Variants in GRID2 observed in about 807,000 individuals in gnomAD.
The protein encoded by GRID2 is glutamate receptor ionotropic, delta-2.
In GRID2, 33 loss-of-function variants were observed where a neutral mutation model predicts 114.8. The observed-to-expected ratio is 0.29, with a 90% CI of 0.22 to 0.38. The LOEUF (loss-of-function observed/expected upper bound fraction) is 0.38. Ranked by LOEUF, GRID2 falls within the 10% of genes least tolerant of loss-of-function variation. The probability of loss-of-function intolerance (pLI) is 1.00; values close to 1 mark genes in which losing one functional copy is unlikely to be tolerated. For missense variants in GRID2, 1,184 were observed against 1,257.7 expected, an observed-to-expected ratio of 0.94 and a Z score of 0.89; for synonymous variants, 505 against 449.9, an observed-to-expected ratio of 1.12 and a Z score of -1.55.
At chr4:93,588,884 A>G (rs958054868) in intron 13 of GRID2, among the ~76,000 whole-genome samples, 4 of 152,154 alleles carry the variant, frequency 2.6e-5, no homozygotes, top group Non-Finnish European at 5.9e-5. Flanking sequence ...TACAACAAGC[A>G]GCAGGTTCCT....
intron 2 of GRID2, among the ~76,000 whole-genome samples, chr4:92,614,177 T>C (rs562718877): frequency 3.3e-5 from 5 of 151,684 alleles, no homozygotes; most frequent in Non-Finnish European, 1.5e-5. Context: ...AATTTCTTCC[T>C]ATCCTGCCTC....
chr4:92,309,330 T>C (rs1251681059), intron 1 of GRID2, among the ~76,000 whole-genome samples: 4 of 152,018 alleles, frequency 2.6e-5, no homozygotes, highest in Non-Finnish European at 5.9e-5. Flanking sequence ...CACCTACGTA[T>C]ATGACTTTAT....
At chr4:92,433,059 G>T (rs895743654) in intron 1 of GRID2, among the ~76,000 whole-genome samples, 2 of 152,100 alleles carry the variant, frequency 1.3e-5, no homozygotes, top group African/African-American at 4.8e-5. Context: ...TGGGACCTGG[G>T]ATGGGGGCCT....
intron 14 of GRID2, among the ~76,000 whole-genome samples, chr4:93,728,196 C>T (rs1489586351): frequency 1.3e-5 from 2 of 152,092 alleles, no homozygotes; most frequent in East Asian, 1.9e-4. Flanking sequence ...TCTTTGTTCT[C>T]GTTGGTTTCC....
chr4:92,490,585 A>G (rs753391235), intron 1 of GRID2, among the ~76,000 whole-genome samples: 4 of 152,184 alleles, frequency 2.6e-5, no homozygotes, highest in Non-Finnish European at 4.4e-5. Flanking sequence ...ATTAGACACT[A>G]TAACTCTATC....
In GRID2 at chr4:92,657,641, CA is replaced by C. The variant is rs1221565274; in HGVS notation, c.244+67360del. On this transcript the variant is annotated intron_variant, in intron 2 of 15. Coordinates refer to ENST00000282020, the MANE Select transcript of GRID2 (RefSeq NM_001510.4). ...TTATCAGTATCTGAAAGAGGAAAAACAAAAAGCAAAAAACAAAATTAAAAAA... is the reference window on the plus strand; with the variant it reads ...TTATCAGTATCTGAAAGAGGAAAAACAAAAGCAAAAAACAAAATTAAAAAA... 2.7e-5 allele frequency among the ~76,000 whole-genome samples: 4 copies of C among 150,558 alleles called. No individual in the cohort carries two copies. In the East Asian group the frequency reaches 8.0e-4, roughly 30 times the overall value.
intron 2 of GRID2, among the ~76,000 whole-genome samples, chr4:92,756,643 AGAT>A (rs1200827550): frequency 6.6e-6 from 1 of 152,080 alleles, no homozygotes; most frequent in Non-Finnish European, 1.5e-5. Flanking sequence ...AAGTGGGGTA[AGAT>A]GATATTTTAT....
intron 1 of GRID2, among the ~76,000 whole-genome samples, chr4:92,549,404 A>T (rs1344786997): frequency 6.6e-6 from 1 of 152,080 alleles, no homozygotes; most frequent in Non-Finnish European, 1.5e-5. Flanking sequence ...CTAGGAAGTG[A>T]TCTCATTTTT....
chr4:93,728,125 T>C (rs1015333652), intron 14 of GRID2, among the ~76,000 whole-genome samples: 3 of 152,128 alleles, frequency 2.0e-5, no homozygotes, highest in African/African-American at 7.2e-5. Flanking sequence ...GGGCATTTAG[T>C]GCTATAAATT....
chr4:93,163,396 A>G lies in GRID2; in HGVS notation c.736-44008A>G, dbSNP rs111552701. Among the ~76,000 whole-genome samples the G allele has an allele frequency of 7.9e-3, 331 of 41,806 alleles. 5 individuals carry two copies. Among genetic ancestry groups the G allele is most frequent in the African/African-American group, 0.029 (314 of 10,952 alleles). The allele number at this position is 41,806 out of a possible 152,430, so 27.4% of individuals were successfully genotyped here. ...TATATATATATATATATATATATAT[A>G]TATACACTATATATATACATACATG... On this transcript the variant is annotated intron_variant, in intron 4 of 15. Transcript: ENST00000282020.
chr4:92,438,800 C>T (rs1732862943), intron 1 of GRID2, among the ~76,000 whole-genome samples: 2 of 152,158 alleles, frequency 1.3e-5, no homozygotes, highest in African/African-American at 4.8e-5. Context: ...TCTGTAGATA[C>T]ATGAATGCTT....
intron 3 of GRID2, among the ~76,000 whole-genome samples, chr4:93,104,360 G>T (rs944315886): frequency 6.6e-5 from 10 of 152,062 alleles, no homozygotes; most frequent in African/African-American, 2.2e-4. Flanking sequence ...ACAATGTGCA[G>T]GTTAGTTACA....
chr4:93,267,166 C>T (rs1193293879), intron 8 of GRID2, among the ~76,000 whole-genome samples: 13 of 143,126 alleles, frequency 9.1e-5, no homozygotes, highest in East Asian at 4.1e-4. Context: ...ACACACATTT[C>T]TTTTTTTTTT....
intron 2 of GRID2, among the ~76,000 whole-genome samples, chr4:92,899,407 G>A (rs1319840270): frequency 6.6e-6 from 1 of 152,112 alleles, no homozygotes; most frequent in Non-Finnish European, 1.5e-5. Flanking sequence ...TTCTGAGGAA[G>A]CATCCTAAGT....
chr4:93,537,720 C>T (rs1402729665), intron 13 of GRID2, among the ~76,000 whole-genome samples: 2 of 151,692 alleles, frequency 1.3e-5, no homozygotes, highest in African/African-American at 4.8e-5. Context: ...TCTCCATTAG[C>T]CTTGTGGTCC....
intron 8 of GRID2, among the ~76,000 whole-genome samples, chr4:93,333,129 C>T (rs765580081): frequency 2.6e-5 from 4 of 152,064 alleles, no homozygotes; most frequent in Non-Finnish European, 5.9e-5. Flanking sequence ...TCCCAGCCAC[C>T]TGTCCCTTTA....
chr4:93,734,498 C>A (rs1293961900), intron 14 of GRID2, among the ~76,000 whole-genome samples: 2 of 151,910 alleles, frequency 1.3e-5, no homozygotes, highest in African/African-American at 4.8e-5. Flanking sequence ...CATAAAATCA[C>A]CACCACAAAA....
chr4:92,428,532 T>A (rs1179784262), intron 1 of GRID2, among the ~76,000 whole-genome samples: 2 of 152,138 alleles, frequency 1.3e-5, no homozygotes, highest in African/African-American at 4.8e-5. Context: ...GTATATTCTT[T>A]CCCTGTGATA....
At chr4:92,730,356 A>T (rs1457791993) in intron 2 of GRID2, among the ~76,000 whole-genome samples, 3 of 151,834 alleles carry the variant, frequency 2.0e-5, no homozygotes, top group African/African-American at 7.2e-5. Flanking sequence ...AGTTGTTTTG[A>T]CACCCACCCA....
Sources: gnomAD v4.1 joint callset for allele counts (sites outside exome capture counted in the v4.1 genomes callset) on GRCh38, gnomAD v4.1.1 for gene constraint, MANE v1.5 for transcripts, NCBI Gene and HGNC (gene_info 2026-07-23, HGNC 2026-07-21) for gene names.